Variants in CAVIN2 observed in about 807,000 individuals in gnomAD.
CAVIN2 encodes caveolae-associated protein 2.
In CAVIN2, 13 loss-of-function variants were observed where a neutral mutation model predicts 11.7. The ratio of observed to expected loss-of-function variants is 1.11; its 90% confidence interval spans 0.72 to 1.77. CAVIN2 has a LOEUF of 1.77. Ranked by LOEUF, CAVIN2 falls within the 40% of genes most tolerant of loss-of-function variation. The pLI is 0.00. For missense variants in CAVIN2, 549 were observed against 542.9 expected, an observed-to-expected ratio of 1.01 and a Z score of -0.11; for synonymous variants, 237 against 223.2, an observed-to-expected ratio of 1.06 and a Z score of -0.55.
Position 191,846,818 on chromosome 2 carries a change from G to C in CAVIN2, c.108C>G (p.Pro36=). ...CCTCTGTGTTCCCTAGGTTCAGGCT[G>C]GGGCTTGGTGTGGAGGAAGGCATCG... is the stretch of plus-strand genomic sequence containing the variant. ...PSPMPSSTPS[P]SLNLGNTEEA... The change falls in exon 1 of 2, where the codon CCC becomes CCG. Residue 36 remains proline (P), a synonymous_variant. Transcript: ENST00000304141. 1 of 1,614,222 alleles carries C rather than the reference G, an allele frequency of 6.2e-7. No homozygotes were observed. Among genetic ancestry groups the C allele is most frequent in the South Asian group, 1.1e-5 (1 of 91,082 alleles).
At chr2:191,846,048 A>G (rs1166603049) in intron 1 of CAVIN2, among the ~76,000 whole-genome samples, 1 of 152,240 alleles carries the variant, frequency 6.6e-6, no homozygotes, top group Non-Finnish European at 1.5e-5. Context: ...GTTAATGAAC[A>G]GCCACTGAAT....
intron 1 of CAVIN2, among the ~76,000 whole-genome samples, chr2:191,845,670 T>TA (rs890248691): frequency 3.3e-5 from 5 of 152,060 alleles, no homozygotes; most frequent in African/African-American, 4.8e-5. Context: ...ATTGATGCAT[T>TA]AAAAAAAATT....
intron 1 of CAVIN2, among the ~76,000 whole-genome samples, chr2:191,845,954 T>C (rs1332427534): frequency 6.6e-6 from 1 of 152,230 alleles, no homozygotes; most frequent in African/African-American, 2.4e-5. Flanking sequence ...AAAACGTTGA[T>C]AGCCTTTGTA....
At chr2:191,840,455 C>T (rs556749438) in intron 1 of CAVIN2, among the ~76,000 whole-genome samples, 2 of 152,262 alleles carry the variant, frequency 1.3e-5, no homozygotes, top group East Asian at 1.9e-4. Context: ...TGACCTTTCA[C>T]GAGAACCCTT....
At chr2:191,840,740 C>T (rs1011617370) in intron 1 of CAVIN2, among the ~76,000 whole-genome samples, 1 of 152,100 alleles carries the variant, frequency 6.6e-6, no homozygotes, top group African/African-American at 2.4e-5. Flanking sequence ...CACACCTTAA[C>T]AGAAAAGAAG....
Position 191,846,523 on chromosome 2 carries a change from G to C in CAVIN2, c.403C>G (p.Gln135Glu), listed in dbSNP as rs1330730981. 5 of 1,614,170 alleles carry C rather than the reference G, an allele frequency of 3.1e-6. No individual in the cohort carries two copies. Residue 135 changes from glutamine (Q) to glutamate (E), a missense_variant, in exon 1 of 2, where the codon CAG becomes GAG. By Grantham distance (29) the Gln-to-Glu change is conservative (BLOSUM62 2). Coordinates refer to ENST00000304141, the MANE Select transcript of CAVIN2 (RefSeq NM_004657.6). ...TRAVKERMDR[Q>E]CAQVKRLENN... ...TCCAGCCGCTTCACCTGTGCGCACT[G>C]CCTATCCATGCGCTCTTTGACCGCG...
At chr2:191,843,146 T>G (rs188348674) in intron 1 of CAVIN2, among the ~76,000 whole-genome samples, 1 of 152,212 alleles carries the variant, frequency 6.6e-6, no homozygotes, top group Non-Finnish European at 1.5e-5. Flanking sequence ...ATTCCACCAT[T>G]GCACTCCAGC....
rs142766197 is a variant in CAVIN2 at position 191,846,504 on chromosome 2, C to A, written c.422G>T (p.Arg141Leu). ...GAGCTGGGCGTGGTTGTTCTCCAGC[C>A]GCTTCACCTGTGCGCACTGCCTATC... ...RMDRQCAQVK[R>L]LENNHAQLLR... Residue 141 changes from arginine to leucine, a missense_variant, in exon 1 of 2, where the codon CGG becomes CTG. Arg to Leu is a moderately radical substitution (Grantham distance 102). Transcript: ENST00000304141. 353 of 1,614,210 alleles carry A rather than the reference C, an allele frequency of 2.2e-4. 2 individuals are homozygous for A. The highest frequency in any genetic ancestry group is 2.1e-3 in the South Asian group (191 of 91,086).
chr2:191,845,996 A>T (rs78687939), intron 1 of CAVIN2, among the ~76,000 whole-genome samples: 3,146 of 152,344 alleles, frequency 0.021, 41 homozygotes, highest in South Asian at 0.048. Flanking sequence ...TGGTTAAAAA[A>T]ACCACAAAAT....
chr2:191,838,961 A>G (rs911722935), intron 1 of CAVIN2, among the ~76,000 whole-genome samples: 3 of 152,238 alleles, frequency 2.0e-5, no homozygotes, highest in African/African-American at 7.2e-5. Flanking sequence ...CTAAGTCCCA[A>G]TGGGGACAAT....
intron 1 of CAVIN2, among the ~76,000 whole-genome samples, chr2:191,845,625 G>A (rs943473783): frequency 1.3e-5 from 2 of 152,044 alleles, no homozygotes; most frequent in Non-Finnish European, 2.9e-5. Flanking sequence ...CAATCTCCCT[G>A]TCCCCAGATA....
chr2:191,836,076 A>T lies in CAVIN2; in HGVS notation c.1125T>A (p.Thr375=). 1 of 1,614,100 alleles carries T rather than the reference A, an allele frequency of 6.2e-7. No homozygotes were observed. The highest frequency in any genetic ancestry group is 2.2e-5 in the East Asian group (1 of 44,868). ...NSGMDSNIDL[T]IVEDEEEESV... ...ACTCCTCCTCTTCATCTTCCACAAT[A>T]GTCAAGTCGATGTTGCTGTCCATCC... is the stretch of plus-strand genomic sequence containing the variant. The change falls in exon 2 of 2, where the codon ACT becomes ACA. Residue 375 remains threonine (T), a synonymous_variant. Transcript: ENST00000304141.
chr2:191,835,628 T>A lies in CAVIN2; in HGVS notation c.*295A>T. 1 of 361,040 alleles carries A rather than the reference T, an allele frequency of 2.8e-6. No individual in the cohort carries two copies. The allele number at this position is 361,040 out of a possible 1,614,324, so 22.4% of individuals were successfully genotyped here. A position where few individuals can be genotyped will look rare whatever the true frequency, so the allele number is the denominator to read the frequency against. On this transcript the variant is annotated 3_prime_UTR_variant, in exon 2 of 2. Transcript: ENST00000304141. ...GACTAGTATCTTAATTATCCTCTGT[T>A]TTTTTCTGACTAAGTCAAAGAGATT...
Position 191,836,115 on chromosome 2 carries a change from C to A in CAVIN2, c.1086G>T (p.Arg362Ser), listed in dbSNP as rs377713440. 1 of 1,614,212 alleles carries A rather than the reference C, an allele frequency of 6.2e-7. No individual in the cohort carries two copies. Among genetic ancestry groups the A allele is most frequent in the South Asian group, 1.1e-5 (1 of 91,082 alleles). ...TGCTGTCCATCCCCGAGTTACTCCC[C>A]CTGGAGGTCGCCTTCTCAGCAGCCT... ...AEEAAEKATS[R>S]GSNSGMDSNI... The change falls in exon 2 of 2, where the codon AGG (arginine) becomes AGT (serine). Residue 362 changes from arginine (R) to serine (S), a missense_variant. Transcript: ENST00000304141.
rs1243702164 is a variant in CAVIN2, at chr2:191,836,653, T to C, written c.548A>G (p.Lys183Arg). ...KQPVSGAVEG[K>R]EELPDENKSL... The stretch of plus-strand genomic sequence containing the variant: ...TTTGTTTTCATCCGGAAGCTCCTCC[T>C]TCCCTTCCACGGCACCGGAAACGGG... Residue 183 changes from lysine to arginine, a missense_variant, in exon 2 of 2, where the codon AAG becomes AGG. Lys to Arg is a conservative substitution (Grantham distance 26). Coordinates refer to ENST00000304141, the MANE Select transcript of CAVIN2 (RefSeq NM_004657.6). 6.2e-7 allele frequency: 1 copy of C among 1,613,976 alleles called. No individual in the cohort carries two copies. The highest frequency in any genetic ancestry group is 8.5e-7 in the Non-Finnish European group (1 of 1,179,988).
rs1411294608 is a variant in CAVIN2, at chr2:191,846,965, C to T, written c.-40G>A. 1 of 1,554,786 alleles carries T rather than the reference C, an allele frequency of 6.4e-7. No homozygotes were observed. On this transcript the variant is annotated 5_prime_UTR_variant, in exon 1 of 2. Coordinates refer to ENST00000304141, the MANE Select transcript of CAVIN2 (RefSeq NM_004657.6). Reference sequence around the variant, plus strand: ...GAACGTTCTTTCTCTCTGGGAGCTGCTTCTTGCTCGGGTGAGAAGTTGCGG... The same window carrying T: ...GAACGTTCTTTCTCTCTGGGAGCTGTTTCTTGCTCGGGTGAGAAGTTGCGG...
chr2:191,844,365 A>T (rs941678270), intron 1 of CAVIN2, among the ~76,000 whole-genome samples: 1 of 152,238 alleles, frequency 6.6e-6, no homozygotes, highest in Non-Finnish European at 1.5e-5. Context: ...TATACAAAAC[A>T]ATCATCTTGC....
intron 1 of CAVIN2, among the ~76,000 whole-genome samples, chr2:191,839,391 C>T (rs1045418462): frequency 6.6e-6 from 1 of 152,140 alleles, no homozygotes; most frequent in African/African-American, 2.4e-5. Flanking sequence ...CTTAAATATA[C>T]ATTTTATTAT....
At chr2:191,841,119 G>A (rs549398573) in intron 1 of CAVIN2, among the ~76,000 whole-genome samples, 1 of 152,276 alleles carries the variant, frequency 6.6e-6, no homozygotes, top group South Asian at 2.1e-4. Flanking sequence ...CACCCCTAAG[G>A]CAGCTGTCGG....
Sources: gnomAD v4.1 joint callset for allele counts (sites outside exome capture counted in the v4.1 genomes callset) on GRCh38, gnomAD v4.1.1 for gene constraint, MANE v1.5 for transcripts, NCBI Gene and HGNC (gene_info 2026-07-23, HGNC 2026-07-21) for gene names.